The following ERC1 variants were observed in gnomAD, a reference collection of about 807,000 sequenced individuals.
ERC1 encodes RAB6 interacting protein 2.
Under a neutral mutation model 132.0 loss-of-function variants are expected in ERC1, and 56 were observed. The ratio of observed to expected loss-of-function variants is 0.42; its 90% CI spans 0.34 to 0.53. ERC1 has a LOEUF of 0.53. Among genes scored for constraint, ERC1 ranks in the 20% least tolerant of loss-of-function variants. The pLI is 0.03. For missense variants in ERC1, 1,202 were observed against 1,349.9 expected (o/e 0.89, Z 1.72); for synonymous variants, 478 against 476.1 (o/e 1.00, Z -0.05).
chr12:1,329,385 TATA>T (rs1273205796), intron 15 of ERC1, among the ~76,000 whole-genome samples: 3 of 151,192 alleles, frequency 2.0e-5, no homozygotes, highest in Non-Finnish European at 4.4e-5. Context: ...AAAATAATTT[TATA>T]ATAGCCTAAA....
intron 14 of ERC1, among the ~76,000 whole-genome samples, chr12:1,287,459 G>C (rs922469435): frequency 6.6e-6 from 1 of 152,200 alleles, no homozygotes; most frequent in African/African-American, 2.4e-5. Context: ...TTGGGGATGA[G>C]ACTAACATTT....
At chr12:1,312,351 T>G (rs75416948) in intron 15 of ERC1, among the ~76,000 whole-genome samples, 5 of 152,132 alleles carry the variant, frequency 3.3e-5, no homozygotes, top group Non-Finnish European at 7.4e-5. Context: ...TCCTTGACAT[T>G]GTATTATTTG....
intron 15 of ERC1, among the ~76,000 whole-genome samples, chr12:1,336,085 A>G (rs983270680): frequency 1.3e-5 from 2 of 152,022 alleles, no homozygotes; most frequent in African/African-American, 4.8e-5. Flanking sequence ...GGTTGTTTGT[A>G]TTTCTGTGGG....
intron 2 of ERC1, among the ~76,000 whole-genome samples, chr12:1,033,490 G>A (rs1446614074): frequency 6.6e-6 from 1 of 150,544 alleles, no homozygotes; most frequent in Non-Finnish European, 1.5e-5. Context: ...TTTTGAGCTG[G>A]AGTCTCAGTG....
At chr12:1,190,762 CTG>C (rs1395856894) in intron 12 of ERC1, among the ~76,000 whole-genome samples, 1 of 152,126 alleles carries the variant, frequency 6.6e-6, no homozygotes, top group Admixed American at 6.5e-5. Flanking sequence ...AAATGTAAAA[CTG>C]TGCAGAAACA....
At chr12:1,484,265 A>T (rs902725877) in intron 18 of ERC1, among the ~76,000 whole-genome samples, 1 of 151,324 alleles carries the variant, frequency 6.6e-6, no homozygotes, top group Non-Finnish European at 1.5e-5. Context: ...AGATCGCACC[A>T]CTGCACTCCA....
intron 17 of ERC1, among the ~76,000 whole-genome samples, chr12:1,440,400 G>C (rs1230535731): frequency 5.3e-5 from 8 of 150,086 alleles, no homozygotes; most frequent in African/African-American, 1.5e-4. Flanking sequence ...TAGAGACGGG[G>C]TTTCACCGTG....
chr12:1,103,554 C>T (rs1364108265), intron 3 of ERC1, among the ~76,000 whole-genome samples: 1 of 151,932 alleles, frequency 6.6e-6, no homozygotes, highest in Non-Finnish European at 1.5e-5. Context: ...AGGTGGTGGC[C>T]GTGGAGATGG....
chr12:1,276,702 G>GT (rs2154334561), intron 14 of ERC1, among the ~76,000 whole-genome samples: 1 of 151,976 alleles, frequency 6.6e-6, no homozygotes, highest in African/African-American at 2.4e-5. Flanking sequence ...ATTTACTGTT[G>GT]TATCCTCAGC....
At chr12:1,172,519 T>C (rs966608499) in intron 8 of ERC1, among the ~76,000 whole-genome samples, 2 of 152,216 alleles carry the variant, frequency 1.3e-5, no homozygotes, top group Admixed American at 6.5e-5. Context: ...TCAATAATGA[T>C]AATTATATAT....
intron 8 of ERC1, among the ~76,000 whole-genome samples, chr12:1,157,163 C>T (rs1328045651): frequency 6.6e-6 from 1 of 152,128 alleles, no homozygotes; most frequent in East Asian, 1.9e-4. Context: ...AGTGCAGTGT[C>T]TCAGTCTCAG....
intron 8 of ERC1, among the ~76,000 whole-genome samples, chr12:1,165,877 A>G (rs2906108): frequency 0.25 from 38,462 of 152,072 alleles, 5,109 homozygotes; most frequent in Non-Finnish European, 0.28. Context: ...AATATTTACA[A>G]TGTTGTGCAA....
At chr12:1,037,842 A>G (rs916589495) in intron 2 of ERC1, among the ~76,000 whole-genome samples, 1 of 152,070 alleles carries the variant, frequency 6.6e-6, no homozygotes, top group African/African-American at 2.4e-5. Flanking sequence ...CAGGAGATCC[A>G]GAGCATCCTG....
At chr12:1,342,181 C>G (rs868259348) in intron 15 of ERC1, among the ~76,000 whole-genome samples, 5 of 151,948 alleles carry the variant, frequency 3.3e-5, no homozygotes, top group Non-Finnish European at 5.9e-5. Context: ...AAAGTTAATG[C>G]GGGCCGGGTG....
intron 8 of ERC1, among the ~76,000 whole-genome samples, chr12:1,176,895 A>G (rs1593978837): frequency 6.6e-6 from 1 of 152,204 alleles, no homozygotes; most frequent in East Asian, 1.9e-4. Flanking sequence ...TTTTGCACCA[A>G]CCAAATACAT....
Position 1,400,914 on chromosome 12 carries a change from G to GTATTATTAT in ERC1, c.2926-7231_2926-7230insATTATTATT, listed in dbSNP as rs1360966932. On this transcript the variant is annotated intron_variant, in intron 16 of 18. Coordinates refer to ENST00000360905, the MANE Select transcript of ERC1 (RefSeq NM_178040.4). ...ATTCAATATTGTTTTGGCTATTTTT[G>GTATTATTAT]TATTTTTTTTTTTTTTTTTTTTTTT... 2.1e-3 allele frequency among the ~76,000 whole-genome samples: 23 copies of GTATTATTAT among 11,130 alleles called. 1 individual carries two copies. Among genetic ancestry groups the GTATTATTAT allele is most frequent in the African/African-American group, 0.012 (21 of 1,782 alleles). The allele number at this position is 11,130 out of a possible 152,430, so 7.3% of individuals were successfully genotyped here. A position where few individuals can be genotyped will look rare whatever the true frequency, so the allele number is the denominator to read the frequency against.
At chr12:1,013,924 C>T (rs554430841) in intron 1 of ERC1, among the ~76,000 whole-genome samples, 37 of 151,946 alleles carry the variant, frequency 2.4e-4, no homozygotes, top group Middle Eastern at 3.4e-3. Flanking sequence ...TTTGTGGAGA[C>T]GAGGTCTTGC....
chr12:1,364,567 C>T (rs762552608), intron 15 of ERC1, among the ~76,000 whole-genome samples: 1 of 152,212 alleles, frequency 6.6e-6, no homozygotes, highest in Non-Finnish European at 1.5e-5. Context: ...TAATCCAGTT[C>T]TACGATGTGT....
At chr12:1,329,958 T>TC (rs1229941581) in intron 15 of ERC1, among the ~76,000 whole-genome samples, 2 of 152,274 alleles carry the variant, frequency 1.3e-5, no homozygotes, top group East Asian at 3.9e-4. Context: ...GTTTAACAGT[T>TC]CCCAATGGAA....
Sources: allele counts gnomAD v4.1 joint callset (sites outside exome capture counted in the v4.1 genomes callset), GRCh38; gene constraint gnomAD v4.1.1; transcripts MANE v1.5; gene names NCBI Gene and HGNC (gene_info 2026-07-23, HGNC 2026-07-21).